The following KAZN variants were observed in gnomAD, a reference collection of about 807,000 sequenced individuals.
KAZN encodes the protein kazrin, periplakin interacting protein.
KAZN carries 40 observed loss-of-function variants against 87.4 expected under a neutral mutation model. The observed-to-expected ratio is 0.46, with a 90% CI of 0.36 to 0.60. The LOEUF is 0.60. Among genes scored for constraint, KAZN ranks in the 20% least tolerant of loss-of-function variants. The probability of loss-of-function intolerance (pLI) is 0.00; values close to 1 mark genes in which losing one functional copy is unlikely to be tolerated. For synonymous variants in KAZN, 466 were observed against 458.3 expected, an observed-to-expected ratio of 1.02 and a Z score of -0.22; for missense variants, 898 against 1,073.9, an observed-to-expected ratio of 0.84 and a Z score of 2.29.
intron 1 of KAZN, among the ~76,000 whole-genome samples, chr1:14,768,345 A>G (rs1301852043): frequency 6.6e-6 from 1 of 152,204 alleles, no homozygotes; most frequent in Non-Finnish European, 1.5e-5. Context: ...TGCCAAGATC[A>G]ATATAGTTTT....
intron 2 of KAZN, among the ~76,000 whole-genome samples, chr1:14,565,420 T>C (rs1334372648): frequency 6.6e-6 from 1 of 152,212 alleles, no homozygotes; most frequent in African/African-American, 2.4e-5. Flanking sequence ...ATGCTAATGA[T>C]CACCTGAGCC....
rs143281844 is a variant in KAZN, at chr1:13,935,862, ATGTGTGTG to A, written c.91+42138_91+42145del. 6.1e-3 allele frequency among the ~76,000 whole-genome samples: 756 copies of A among 124,178 alleles called. 9 individuals are homozygous for A. Among genetic ancestry groups the A allele is most frequent in the African/African-American group, 0.018 (607 of 34,164 alleles). 81.5% of individuals were successfully genotyped at this position (124,178 alleles called of 152,430 possible). ...TGTGGATAATTACTTTTACATCCTA[ATGTGTGTG>A]TGTGTGTGTGTGTGTGTGTGTGTGT... On this transcript the variant is annotated intron_variant, in intron 1 of 16. Coordinates refer to the KAZN transcript ENST00000636203.
chr1:14,470,951 G>T (rs1420276340), intron 2 of KAZN, among the ~76,000 whole-genome samples: 1 of 152,206 alleles, frequency 6.6e-6, no homozygotes, highest in Admixed American at 6.5e-5. Context: ...GGACACTCAA[G>T]CAGCTTTTTG....
chr1:15,075,922 C>T (rs766376894), intron 8 of KAZN, among the ~76,000 whole-genome samples: 1 of 152,254 alleles, frequency 6.6e-6, no homozygotes, highest in Non-Finnish European at 1.5e-5. Flanking sequence ...CTCCAGAGCA[C>T]TTCATCACCC....
intron 2 of KAZN, among the ~76,000 whole-genome samples, chr1:14,979,001 TTCAAGAG>T (rs1665954782): frequency 6.6e-6 from 1 of 151,596 alleles, no homozygotes; most frequent in Non-Finnish European, 1.5e-5. Flanking sequence ...ATCTCCCGGG[TTCAAGAG>T]ATTCTCCTGC....
intron 1 of KAZN, among the ~76,000 whole-genome samples, chr1:14,128,546 T>C (rs1644923366): frequency 6.6e-6 from 1 of 152,188 alleles, no homozygotes; most frequent in African/African-American, 2.4e-5. Flanking sequence ...TGTTTCTCTG[T>C]GTACCCCTGT....
intron 8 of KAZN, among the ~76,000 whole-genome samples, chr1:15,076,873 C>T (rs1557782287): frequency 6.6e-6 from 1 of 152,224 alleles, no homozygotes; most frequent in Non-Finnish European, 1.5e-5. Flanking sequence ...GTGACAATGA[C>T]AAGGACCCAC....
chr1:14,775,366 G>A (rs909337824), intron 1 of KAZN, among the ~76,000 whole-genome samples: 4 of 152,232 alleles, frequency 2.6e-5, no homozygotes, highest in Admixed American at 6.5e-5. Context: ...CCAGCGTCAT[G>A]CTTCCCCTGG....
chr1:14,213,450 A>T (rs1646896777), intron 2 of KAZN, among the ~76,000 whole-genome samples: 1 of 152,186 alleles, frequency 6.6e-6, no homozygotes, highest in Non-Finnish European at 1.5e-5. Flanking sequence ...TGAAGTAGGG[A>T]TTCATGGAGA....
intron 2 of KAZN, among the ~76,000 whole-genome samples, chr1:14,998,825 C>T (rs1668169193): frequency 6.6e-6 from 1 of 152,148 alleles, no homozygotes; most frequent in Non-Finnish European, 1.5e-5. Flanking sequence ...GCTGGGATTA[C>T]AGGCGTGGGC....
intron 1 of KAZN, among the ~76,000 whole-genome samples, chr1:14,661,021 A>G (rs1391347363): frequency 1.3e-5 from 2 of 152,150 alleles, no homozygotes; most frequent in African/African-American, 4.8e-5. Context: ...GCCAGAGGAA[A>G]GAAGGAAGTA....
intron 2 of KAZN, among the ~76,000 whole-genome samples, chr1:14,420,618 T>C (rs1665336829): frequency 6.6e-6 from 1 of 152,200 alleles, no homozygotes; most frequent in African/African-American, 2.4e-5. Flanking sequence ...GGCTCAGGCA[T>C]GGCCCGCTGC....
At position 14,972,494 on chromosome 1, in the gene KAZN, G is replaced by A. The variant is rs1013449291; in HGVS notation, c.418+11619G>A. On this transcript the variant is annotated intron_variant, in intron 2 of 14. Coordinates refer to ENST00000376030, the MANE Select transcript of KAZN (RefSeq NM_201628.3). ...CCCTGCTTGGCTCCCAGGGGAATGC[G>A]CTGCTGACCTCAGACTGGGAACTTT... Among the ~76,000 whole-genome samples, 7 of 151,690 alleles carry A rather than the reference G, an allele frequency of 4.6e-5. No homozygotes were observed. The South Asian group carries it at 6.2e-4, about 14-fold the overall frequency.
rs1658762534 is a variant in KAZN at position 14,923,304 on chromosome 1, T to A, written c.227-37380T>A. 6.6e-6 allele frequency among the ~76,000 whole-genome samples: 1 copy of A among 152,088 alleles called. No individual in the cohort carries two copies. Among genetic ancestry groups the A allele is most frequent in the South Asian group, 2.1e-4 (1 of 4,816 alleles). On this transcript the variant is annotated intron_variant, in intron 1 of 14. Coordinates refer to ENST00000376030, the MANE Select transcript of KAZN (RefSeq NM_201628.3). The surrounding 1 kb of genome is among the most constrained non-coding windows in gnomAD (Gnocchi z 4.2). ...TTAGTCTTTCTAAACAGCATCGTAA[T>A]CCCCAGATCAAAGGGGGCTCAGAGC... is the stretch of plus-strand genomic sequence containing the variant.
At chr1:13,898,319 T>A (rs1639121137) in intron 1 of KAZN, among the ~76,000 whole-genome samples, 1 of 152,206 alleles carries the variant, frequency 6.6e-6, no homozygotes, top group Admixed American at 6.5e-5. Flanking sequence ...CAGAGGGCTG[T>A]TGCCCCATCC....
intron 2 of KAZN, among the ~76,000 whole-genome samples, chr1:14,376,044 AAC>A (rs1489613021): frequency 2.6e-5 from 4 of 152,116 alleles, no homozygotes; most frequent in African/African-American, 9.7e-5. Context: ...GTCATTAGTT[AAC>A]ACACAGATAA....
chr1:14,034,850 C>A (rs150038044), intron 1 of KAZN, among the ~76,000 whole-genome samples: 1 of 152,162 alleles, frequency 6.6e-6, no homozygotes, highest in Non-Finnish European at 1.5e-5. Flanking sequence ...TTTCTTCACT[C>A]GGTAAAGACT....
intron 1 of KAZN, among the ~76,000 whole-genome samples, chr1:13,981,378 A>G (rs138472698): frequency 0.014 from 2,157 of 151,286 alleles, 124 homozygotes; most frequent in East Asian, 0.1. Flanking sequence ...TAACATATTG[A>G]TATTTTAATA....
At chr1:14,189,402 G>A (rs968765625) in intron 2 of KAZN, among the ~76,000 whole-genome samples, 8 of 152,146 alleles carry the variant, frequency 5.3e-5, no homozygotes, top group East Asian at 1.9e-4. Flanking sequence ...ATTTGTATCC[G>A]TGACTGCTGC....
Sources: gnomAD v4.1 joint callset for allele counts (sites outside exome capture counted in the v4.1 genomes callset) on GRCh38, gnomAD v4.1.1 for gene constraint, Gnocchi (gnomAD v3.1) non-coding constraint, MANE v1.5 for transcripts, NCBI Gene and HGNC (gene_info 2026-07-23, HGNC 2026-07-21) for gene names.